SYT2: variants seen among roughly 807,000 people sequenced by gnomAD.
The protein encoded by SYT2 is synaptotagmin 2.
A neutral mutation model predicts 39.9 loss-of-function variants in SYT2; 15 were observed. The ratio of observed to expected loss-of-function variants is 0.38; its 90% CI spans 0.25 to 0.58. The LOEUF is 0.58. Ranked by LOEUF, SYT2 falls within the 20% of genes least tolerant of loss-of-function variation. The pLI is 0.70. For synonymous variants in SYT2, 181 were observed against 204.5 expected, an observed-to-expected ratio of 0.89 and a Z score of 0.98; for missense variants, 389 against 530.3, an observed-to-expected ratio of 0.73 and a Z score of 2.62.
At chr1:202,679,759 GA>G in intron 1 of SYT2, among the ~76,000 whole-genome samples, 1 of 152,102 alleles carries the variant, frequency 6.6e-6, no homozygotes, top group East Asian at 1.9e-4. Flanking sequence ...TCCTTCAATG[GA>G]AAAAACTCCA....
At chr1:202,672,113 G>A (rs1692598688) in intron 1 of SYT2, among the ~76,000 whole-genome samples, 1 of 152,192 alleles carries the variant, frequency 6.6e-6, no homozygotes, top group African/African-American at 2.4e-5. Context: ...TAAATAAAAA[G>A]CCAACATCGA....
At chr1:202,658,336 G>A (rs1394345457) in intron 1 of SYT2, among the ~76,000 whole-genome samples, 2 of 152,134 alleles carry the variant, frequency 1.3e-5, no homozygotes, top group Non-Finnish European at 2.9e-5. Flanking sequence ...CAGAGTGTGC[G>A]GCAAGGGCAG....
At chr1:202,642,748 G>A (rs1266091897) in intron 1 of SYT2, among the ~76,000 whole-genome samples, 1 of 152,170 alleles carries the variant, frequency 6.6e-6, no homozygotes, top group Non-Finnish European at 1.5e-5. Context: ...CCCCAGTGTC[G>A]CGCGAGCATG....
At chr1:202,649,461 T>G (rs1692152571) in intron 1 of SYT2, among the ~76,000 whole-genome samples, 1 of 152,268 alleles carries the variant, frequency 6.6e-6, no homozygotes, top group Admixed American at 6.5e-5. Flanking sequence ...CACATGAATT[T>G]ATTTACTTCA....
chr1:202,634,239 C>T (rs375784333), intron 1 of SYT2, among the ~76,000 whole-genome samples: 6 of 152,116 alleles, frequency 3.9e-5, no homozygotes, highest in Admixed American at 1.3e-4. Flanking sequence ...GTATACTGGC[C>T]GGGAGAGGTG....
intron 1 of SYT2, among the ~76,000 whole-genome samples, chr1:202,635,652 C>A (rs1306937622): frequency 1.3e-5 from 2 of 152,134 alleles, no homozygotes; most frequent in East Asian, 3.9e-4. Context: ...TAAAGTGGCC[C>A]TCCCTCTCCT....
Position 202,670,832 on chromosome 1 carries a change from A to G in SYT2, c.-18+39426T>C, listed in dbSNP as rs183755444. Among the ~76,000 whole-genome samples the G allele has an allele frequency of 9.2e-5, 14 of 152,352 alleles. No individual in the cohort carries two copies. The East Asian group carries it at 2.5e-3, about 27-fold the overall frequency. On this transcript the variant is annotated intron_variant, in intron 1 of 8. Transcript: ENST00000367268. The stretch of plus-strand genomic sequence containing the variant: ...TGTTTGTCCCAGTCTGTTCTGATCA[A>G]TGTGGGCTCTGACTAATCATACACA...
At chr1:202,647,395 A>G (rs1052114771) in intron 1 of SYT2, among the ~76,000 whole-genome samples, 9 of 152,276 alleles carry the variant, frequency 5.9e-5, no homozygotes, top group Admixed American at 2.0e-4. Context: ...GTGGCTGTTC[A>G]GGTGTCCTCC....
chr1:202,616,872 G>A, intron 1 of SYT2, among the ~76,000 whole-genome samples: 1 of 152,176 alleles, frequency 6.6e-6, no homozygotes, highest in East Asian at 1.9e-4. Flanking sequence ...CCACTTCCGA[G>A]CTCCAGGCCC....
chr1:202,671,506 C>G (rs993206954), intron 1 of SYT2, among the ~76,000 whole-genome samples: 1 of 152,232 alleles, frequency 6.6e-6, no homozygotes, highest in Non-Finnish European at 1.5e-5. Flanking sequence ...ATGCTGGGCC[C>G]AAATCTAGAA....
At chr1:202,613,067 CCTTTTTTTTTTTTTTTTTTT>C in intron 1 of SYT2, among the ~76,000 whole-genome samples, 1 of 121,604 alleles carries the variant, frequency 8.2e-6, no homozygotes, top group Non-Finnish European at 1.7e-5. Context: ...ATTGGTTCTT[CCTTTTTTTTTTTTTTTTTTT>C]TTTTTTTTTT....
intron 1 of SYT2, among the ~76,000 whole-genome samples, chr1:202,677,754 G>A (rs781183594): frequency 3.9e-5 from 6 of 152,208 alleles, no homozygotes; most frequent in Admixed American, 6.5e-5. Context: ...AGGTAAACCC[G>A]ACACTATATG....
chr1:202,645,205 G>T (rs1220224035), intron 1 of SYT2, among the ~76,000 whole-genome samples: 1 of 151,982 alleles, frequency 6.6e-6, no homozygotes, highest in Non-Finnish European at 1.5e-5. Context: ...GGGCACCAGG[G>T]GTTTCCCCCC....
At chr1:202,707,390 C>T (rs936416914) in intron 1 of SYT2, among the ~76,000 whole-genome samples, 2 of 152,156 alleles carry the variant, frequency 1.3e-5, no homozygotes, top group Admixed American at 6.5e-5. Flanking sequence ...CCCTGCCCCC[C>T]CATTACTCCC....
chr1:202,624,499 T>G (rs906388414), intron 1 of SYT2, among the ~76,000 whole-genome samples: 3 of 141,860 alleles, frequency 2.1e-5, no homozygotes, highest in African/African-American at 8.4e-5. Context: ...TATAGTAAGG[T>G]GTGTATGGTG....
intron 1 of SYT2, among the ~76,000 whole-genome samples, chr1:202,690,290 T>C (rs1378780171): frequency 1.3e-5 from 2 of 152,028 alleles, no homozygotes. Flanking sequence ...AACCTCACAA[T>C]GAAGATTTCC....
intron 4 of SYT2, 98 bp downstream of exon 4, chr1:202,602,901 G>C (rs1006772051): frequency 1.4e-6 from 2 of 1,426,514 alleles, no homozygotes; most frequent in Non-Finnish European, 1.9e-6. Flanking sequence ...AAGGAGTAGT[G>C]CCCACACATC....
Position 202,622,480 on chromosome 1 carries a change from G to A in SYT2, c.-17-16691C>T, listed in dbSNP as rs567411924. ...CTCCCAGGTTCCTGAGAGTTGGAAC[G>A]TCCTTCTAGTGTCTAACTTCAATCT... On this transcript the variant is annotated intron_variant, in intron 1 of 8. Coordinates refer to ENST00000367268, the MANE Select transcript of SYT2 (RefSeq NM_177402.5). 1.6e-4 allele frequency among the ~76,000 whole-genome samples: 25 copies of A among 152,224 alleles called. No individual in the cohort carries two copies. The South Asian group carries it at 3.5e-3, about 21-fold the overall frequency.
intron 1 of SYT2, among the ~76,000 whole-genome samples, chr1:202,643,032 T>C (rs1346781096): frequency 2.0e-5 from 3 of 152,154 alleles, no homozygotes; most frequent in African/African-American, 7.2e-5. Flanking sequence ...CTCCCCCGGG[T>C]CTAGCCAGGT....
Sources: allele counts gnomAD v4.1 joint callset (sites outside exome capture counted in the v4.1 genomes callset), GRCh38; gene constraint gnomAD v4.1.1; transcripts MANE v1.5; gene names NCBI Gene and HGNC (gene_info 2026-07-23, HGNC 2026-07-21).